LRRC53: variants seen among roughly 807,000 people sequenced by gnomAD.
The protein encoded by LRRC53 is leucine-rich repeat-containing protein 53.
Under a neutral mutation model 13.6 loss-of-function variants are expected in LRRC53, and 25 were observed. The ratio of observed to expected loss-of-function variants is 1.83; its 90% CI spans 1.34 to 2.56. The LOEUF is 2.56. Among genes scored for constraint, LRRC53 ranks in the 30% most tolerant of loss-of-function variants. The probability of loss-of-function intolerance (pLI) is 0.00; values close to 1 mark genes in which losing one functional copy is unlikely to be tolerated. For missense variants in LRRC53, 527 were observed against 275.8 expected, an observed-to-expected ratio of 1.91 and a Z score of -6.45; for synonymous variants, 204 against 109.8, an observed-to-expected ratio of 1.86 and a Z score of -5.37.
In LRRC53 at chr1:74,475,551, CG is replaced by C. The variant is rs1557591176; in HGVS notation, c.1163del (p.Ser388TrpfsTer15). ...LLQENSHQAT[S>X]ASESATLDGS... ...CGTCAAGGGTTGCAGACTCAGAGGCCGATGTTGCTTGATGGCTATTTTCCTG... is the reference window on the plus strand; with the variant it reads ...CGTCAAGGGTTGCAGACTCAGAGGCCATGTTGCTTGATGGCTATTTTCCTG... On this transcript the variant is annotated frameshift_variant, in exon 4 of 5. Transcript: ENST00000294635. LOFTEE classifies it high-confidence loss of function. 2.8e-6 allele frequency: 2 copies of C among 717,358 alleles called. No homozygotes were observed. Among genetic ancestry groups the C allele is most frequent in the South Asian group, 3.0e-5 (2 of 67,580 alleles). 44.4% of individuals were successfully genotyped at this position (717,358 alleles called of 1,614,324 possible). A position where few individuals can be genotyped will look rare whatever the true frequency, so the allele number is the denominator to read the frequency against.
At chr1:74,509,592 T>C (rs1312347200) in intron 1 of LRRC53, among the ~76,000 whole-genome samples, 1 of 152,110 alleles carries the variant, frequency 6.6e-6, no homozygotes, top group Non-Finnish European at 1.5e-5. Context: ...CAATGAATTA[T>C]GAAATTATGA....
chr1:74,528,784 A>T, the LRRC53 span, among the ~76,000 whole-genome samples: 1 of 152,188 alleles, frequency 6.6e-6, no homozygotes, highest in Non-Finnish European at 1.5e-5. Flanking sequence ...GAGGAGCGGC[A>T]CTTCAACTGC....
intron 1 of LRRC53, among the ~76,000 whole-genome samples, chr1:74,499,702 G>C (rs527853755): frequency 1.2e-3 from 176 of 152,110 alleles, no homozygotes; most frequent in Middle Eastern, 3.4e-3. Flanking sequence ...ATGAGATTTT[G>C]ATTATAGATA....
the LRRC53 span, among the ~76,000 whole-genome samples, chr1:74,530,208 G>T: frequency 6.6e-6 from 1 of 152,128 alleles, no homozygotes; most frequent in African/African-American, 2.4e-5. Context: ...CTAATATATA[G>T]CACAGCTCCT....
chr1:74,533,569 C>A, the LRRC53 span, among the ~76,000 whole-genome samples: 1 of 152,120 alleles, frequency 6.6e-6, no homozygotes, highest in Non-Finnish European at 1.5e-5. Context: ...TGGGTATATA[C>A]CCAAAGGACT....
chr1:74,510,777 T>C (rs1042054768), intron 1 of LRRC53, among the ~76,000 whole-genome samples: 1 of 152,226 alleles, frequency 6.6e-6, no homozygotes, highest in Non-Finnish European at 1.5e-5. Flanking sequence ...CACAAATGTG[T>C]GTTGATTTCC....
At chr1:74,481,534 T>C (rs1363823481) in intron 2 of LRRC53, among the ~76,000 whole-genome samples, 1 of 152,206 alleles carries the variant, frequency 6.6e-6, no homozygotes, top group Non-Finnish European at 1.5e-5. Context: ...TTGGTAAGGA[T>C]ATATATTCAA....
At chr1:74,495,203 C>G (rs1669267592) in intron 1 of LRRC53, among the ~76,000 whole-genome samples, 1 of 152,170 alleles carries the variant, frequency 6.6e-6, no homozygotes, top group African/African-American at 2.4e-5. Flanking sequence ...CATGGCATTT[C>G]CCTGAGGATT....
chr1:74,480,140 C>T lies in LRRC53; in HGVS notation c.904+13G>A. 1.4e-6 allele frequency: 1 copy of T among 710,334 alleles called. No homozygotes were observed. The highest frequency in any genetic ancestry group is 2.6e-6 in the Non-Finnish European group (1 of 381,932). 44.0% of individuals were successfully genotyped at this position (710,334 alleles called of 1,614,324 possible). A position where few individuals can be genotyped will look rare whatever the true frequency, so the allele number is the denominator to read the frequency against. On this transcript the variant is annotated intron_variant, in intron 3 of 4. Coordinates refer to ENST00000294635, the MANE Select transcript of LRRC53 (RefSeq NM_001382280.1). ...GAAGAGAAAAGAGGAGGGCACACTT[C>T]TCCCCGGCATACCTGCGAAGCCAAG...
rs115832940 is a variant in LRRC53, at chr1:74,499,654, A to G, written c.-27+12872T>C. On this transcript the variant is annotated intron_variant, in intron 1 of 4. Transcript: ENST00000294635. ...GTAGATAAGAGGGGAGGGGGCTACT[A>G]CAATTTTTATACTCAGCTTGTATTT... Among the ~76,000 whole-genome samples, 1,388 of 152,234 alleles carry G rather than the reference A, an allele frequency of 9.1e-3. 24 individuals are homozygous for G. The highest frequency in any genetic ancestry group is 0.032 in the African/African-American group (1,342 of 41,546).
chr1:74,511,187 C>T (rs1670199396), intron 1 of LRRC53, among the ~76,000 whole-genome samples: 1 of 126,284 alleles, frequency 7.9e-6, no homozygotes, highest in African/African-American at 3.2e-5. Context: ...AGCTACCGTG[C>T]CCGGCCTATT....
chr1:74,501,220 A>G (rs9729683), intron 1 of LRRC53, among the ~76,000 whole-genome samples: 16,071 of 152,112 alleles, frequency 0.11, 2,263 homozygotes, highest in African/African-American at 0.33. Flanking sequence ...CTGTCTTCCA[A>G]TTCACTTATT....
the LRRC53 span, among the ~76,000 whole-genome samples, chr1:74,530,024 G>T: frequency 6.6e-6 from 1 of 152,144 alleles, no homozygotes; most frequent in Non-Finnish European, 1.5e-5. Context: ...GAGAACAGTG[G>T]TAGGATCACA....
At chr1:74,527,839 G>A in the LRRC53 span, among the ~76,000 whole-genome samples, 1 of 152,188 alleles carries the variant, frequency 6.6e-6, no homozygotes, top group Non-Finnish European at 1.5e-5. Flanking sequence ...AATGGATATG[G>A]AGCAGAATGT....
chr1:74,501,969 A>AT (rs1227579861), intron 1 of LRRC53, among the ~76,000 whole-genome samples: 2 of 151,996 alleles, frequency 1.3e-5, no homozygotes, highest in Non-Finnish European at 2.9e-5. Flanking sequence ...TGTAGAGTGA[A>AT]TTTTATTTTT....
At position 74,471,821 on chromosome 1, in the gene LRRC53, T is replaced by TC. The variant is rs1667946630; in HGVS notation, c.1800dup (p.Lys601GlufsTer7). ...GCACTGTTAATTTGGATTTGCTCTTTCTCAGGCTTTGAGTGTTGTCTACGA... is the reference window on the plus strand; with the variant it reads ...GCACTGTTAATTTGGATTTGCTCTTTCCTCAGGCTTTGAGTGTTGTCTACGA... On this transcript the variant is annotated frameshift_variant, in exon 5 of 5. Transcript: ENST00000294635. LOFTEE classifies it low-confidence loss of function (END_TRUNC). 1 of 436,472 alleles carries TC rather than the reference T, an allele frequency of 2.3e-6. No homozygotes were observed. Among genetic ancestry groups the TC allele is most frequent in the African/African-American group, 2.0e-5 (1 of 49,298 alleles). 27.0% of individuals were successfully genotyped at this position (436,472 alleles called of 1,614,324 possible).
At chr1:74,482,942 G>A (rs1485347840) in intron 2 of LRRC53, among the ~76,000 whole-genome samples, 1 of 152,180 alleles carries the variant, frequency 6.6e-6, no homozygotes, top group Non-Finnish European at 1.5e-5. Context: ...GCTGGTGGTA[G>A]AGTTCAAATC....
chr1:74,502,008 T>C (rs1039316696), intron 1 of LRRC53, among the ~76,000 whole-genome samples: 1 of 152,148 alleles, frequency 6.6e-6, no homozygotes, highest in Non-Finnish European at 1.5e-5. Flanking sequence ...GATGTTGCCC[T>C]TTGAAGATTT....
chr1:74,523,492 GA>G, the LRRC53 span, among the ~76,000 whole-genome samples: 12 of 144,854 alleles, frequency 8.3e-5, no homozygotes, highest in African/African-American at 2.7e-4. Flanking sequence ...AAGAAAGAGA[GA>G]AAGAGAAAGA....
Sources: gnomAD v4.1 joint callset for allele counts (sites outside exome capture counted in the v4.1 genomes callset) on GRCh38, gnomAD v4.1.1 for gene constraint, MANE v1.5 for transcripts, NCBI Gene and HGNC (gene_info 2026-07-23, HGNC 2026-07-21) for gene names.